The following MLLT10 variants were observed in gnomAD, a reference collection of about 807,000 sequenced individuals.
MLLT10 encodes the protein MLLT10 histone lysine methyltransferase DOT1L cofactor.
MLLT10 carries 30 observed loss-of-function variants against 129.1 expected under a neutral mutation model. That is an observed-to-expected ratio of 0.23 (90% CI 0.17 to 0.32). The LOEUF is 0.32. MLLT10 is among the 10% of genes least tolerant of loss of function. MLLT10 has a pLI of 1.00. For missense variants in MLLT10, 1,119 were observed against 1,268.3 expected (o/e 0.88, Z 1.79); for synonymous variants, 490 against 446.4 (o/e 1.10, Z -1.23).
chr10:21,537,391 G>A (rs950189497), intron 2 of MLLT10, among the ~76,000 whole-genome samples: 1 of 151,472 alleles, frequency 6.6e-6, no homozygotes, highest in East Asian at 2.0e-4. Flanking sequence ...TCTACCTCCC[G>A]GGTTCATGTG....
intron 11 of MLLT10, among the ~76,000 whole-genome samples, chr10:21,677,399 A>G (rs1248252426): frequency 6.6e-6 from 1 of 152,214 alleles, no homozygotes; most frequent in Non-Finnish European, 1.5e-5. Flanking sequence ...TTTGGCATCC[A>G]TGGGGACTTG....
At chr10:21,601,113 T>C (rs1030465256) in intron 5 of MLLT10, among the ~76,000 whole-genome samples, 2 of 152,100 alleles carry the variant, frequency 1.3e-5, no homozygotes, top group African/African-American at 2.4e-5. Context: ...CTGGCTACTT[T>C]TGTTTTATTT....
In MLLT10 at chr10:21,740,164, ACCC is replaced by A; in HGVS notation, c.3093_3095del (p.Pro1032del). 1.9e-6 allele frequency: 3 copies of A among 1,614,080 alleles called. No individual in the cohort carries two copies. The highest frequency in any genetic ancestry group is 2.5e-6 in the Non-Finnish European group (3 of 1,180,016). The stretch of plus-strand genomic sequence containing the variant: ...ACAACCTTCTTGCAGGTACACAGGC[ACCC>A]CCACTTCACACAGCTACCACCAACC... On this transcript the variant is annotated inframe_deletion, in exon 22 of 23. Coordinates refer to ENST00000307729, the MANE Select transcript of MLLT10 (RefSeq NM_001195626.3).
intron 8 of MLLT10, chr10:21,625,835 C>T (rs557380810): frequency 2.2e-5 from 17 of 774,818 alleles, no homozygotes; most frequent in Non-Finnish European, 3.1e-5. Flanking sequence ...TCTATTCTGA[C>T]CAGACAGTGG....
At chr10:21,550,055 T>C (rs767037126) in intron 3 of MLLT10, among the ~76,000 whole-genome samples, 7 of 152,180 alleles carry the variant, frequency 4.6e-5, no homozygotes, top group Non-Finnish European at 1.0e-4. Context: ...GTTGGGCCCA[T>C]TGATAAACTG....
chr10:21,587,299 A>G (rs2042078653), intron 4 of MLLT10, among the ~76,000 whole-genome samples: 1 of 151,860 alleles, frequency 6.6e-6, no homozygotes, highest in Admixed American at 6.6e-5. Flanking sequence ...ACGTGCCTGC[A>G]GTTCCAGCTA....
intron 4 of MLLT10, among the ~76,000 whole-genome samples, chr10:21,594,078 T>C (rs1232692979): frequency 6.6e-6 from 1 of 151,984 alleles, no homozygotes; most frequent in African/African-American, 2.4e-5. Flanking sequence ...AAATTTCAGT[T>C]TGAGATGGTC....
intron 8 of MLLT10, among the ~76,000 whole-genome samples, chr10:21,626,911 T>C (rs1175627861): frequency 6.6e-6 from 1 of 152,176 alleles, no homozygotes; most frequent in African/African-American, 2.4e-5. Flanking sequence ...TGTGAGGGTG[T>C]GTTGGGTGAG....
chr10:21,730,867 C>A (rs2057913819), intron 16 of MLLT10, 33 bp from the exon 17 acceptor site: 2 of 1,613,112 alleles, frequency 1.2e-6, no homozygotes, highest in South Asian at 2.2e-5. Flanking sequence ...AAAGCATTCC[C>A]CTTCTTTTTA....
intron 13 of MLLT10, among the ~76,000 whole-genome samples, chr10:21,701,846 C>G (rs1325582201): frequency 6.6e-6 from 1 of 152,154 alleles, no homozygotes; most frequent in African/African-American, 2.4e-5. Flanking sequence ...GCCTCAGCCT[C>G]CCAAAGTGCT....
At chr10:21,545,130 A>T (rs747912136) in intron 3 of MLLT10, among the ~76,000 whole-genome samples, 2 of 152,030 alleles carry the variant, frequency 1.3e-5, no homozygotes, top group Non-Finnish European at 2.9e-5. Context: ...GGACAACAAG[A>T]GTGAAGCTCC....
intron 8 of MLLT10, among the ~76,000 whole-genome samples, chr10:21,642,964 T>C (rs537226184): frequency 6.6e-6 from 1 of 152,336 alleles, no homozygotes; most frequent in Non-Finnish European, 1.5e-5. Flanking sequence ...GCTCCTACAG[T>C]GAAGGCTGCT....
intron 2 of MLLT10, among the ~76,000 whole-genome samples, chr10:21,537,289 A>ATTCT: frequency 6.6e-6 from 1 of 151,848 alleles, no homozygotes; most frequent in East Asian, 1.9e-4. Flanking sequence ...GTGAATTTAT[A>ATTCT]TTCTTTCTTT....
intron 11 of MLLT10, among the ~76,000 whole-genome samples, chr10:21,677,907 A>T (rs1465225910): frequency 1.3e-5 from 2 of 152,178 alleles, no homozygotes; most frequent in Non-Finnish European, 2.9e-5. Flanking sequence ...GACATACACC[A>T]CTGTATCCCC....
rs1179947455 is a variant in MLLT10, at chr10:21,704,347, CTCTCTCTCTCTATATATA to C, written c.1700-9423_1700-9406del. Among the ~76,000 whole-genome samples the C allele has an allele frequency of 1.5e-4, 9 of 60,706 alleles. No individual in the cohort carries two copies. The East Asian group carries it at 0.011, about 76-fold the overall frequency. 39.8% of individuals were successfully genotyped at this position (60,706 alleles called of 152,430 possible). On this transcript the variant is annotated intron_variant, in intron 13 of 22. Transcript: ENST00000307729. ...TTTTAAATTCTCTCTCTCTCTCTCT[CTCTCTCTCTCTATATATA>C]TATATATATATATATATAATTATTA...
chr10:21,661,258 G>A (rs2050170085), intron 9 of MLLT10, among the ~76,000 whole-genome samples: 1 of 152,192 alleles, frequency 6.6e-6, no homozygotes, highest in African/African-American at 2.4e-5. Context: ...CTGGAGAATA[G>A]AAGAATGTGT....
chr10:21,650,127 C>T (rs758399340), intron 8 of MLLT10, among the ~76,000 whole-genome samples: 1 of 152,114 alleles, frequency 6.6e-6, no homozygotes, highest in Non-Finnish European at 1.5e-5. Context: ...GTCCCAGCTA[C>T]TCGGGAGGCT....
At chr10:21,658,432 T>C (rs2049828659) in intron 9 of MLLT10, among the ~76,000 whole-genome samples, 1 of 152,240 alleles carries the variant, frequency 6.6e-6, no homozygotes, top group South Asian at 2.1e-4. Flanking sequence ...TTGTATGTTT[T>C]AATAGTTCAT....
At chr10:21,651,911 T>A (rs1007390043) in intron 9 of MLLT10, 143 bp downstream of exon 9, 2 of 517,250 alleles carry the variant, frequency 3.9e-6, no homozygotes, top group Non-Finnish European at 6.6e-6. Context: ...TTCTTTTTTT[T>A]TTTTTTTTTT....
Sources: gnomAD v4.1 joint callset for allele counts (sites outside exome capture counted in the v4.1 genomes callset) on GRCh38, gnomAD v4.1.1 for gene constraint, MANE v1.5 for transcripts, NCBI Gene and HGNC (gene_info 2026-07-23, HGNC 2026-07-21) for gene names.